The following ATG16L1 variants were observed in gnomAD, a reference collection of about 807,000 sequenced individuals.
The protein encoded by ATG16L1 is autophagy related 16 like 1.
A neutral mutation model predicts 88.5 loss-of-function variants in ATG16L1; 37 were observed. That is an observed-to-expected ratio of 0.42 (90% CI 0.32 to 0.55). ATG16L1 has a LOEUF of 0.55. ATG16L1 is among the 20% of genes least tolerant of loss of function. The pLI is 0.13. For missense variants in ATG16L1, 554 were observed against 752.8 expected, an observed-to-expected ratio of 0.74 and a Z score of 3.09; for synonymous variants, 301 against 281.0, an observed-to-expected ratio of 1.07 and a Z score of -0.71.
At chr2:233,279,078 T>C (rs765506043) in intron 10 of ATG16L1, among the ~76,000 whole-genome samples, 1 of 152,128 alleles carries the variant, frequency 6.6e-6, no homozygotes, top group Non-Finnish European at 1.5e-5. Flanking sequence ...CCTGGGAAGC[T>C]GAAGTGGGAA....
chr2:233,263,871 G>A (rs1298095038), intron 3 of ATG16L1, 121 bp from the exon 4 acceptor site: 63 of 874,080 alleles, frequency 7.2e-5, no homozygotes, highest in South Asian at 3.7e-4. Context: ...TAGGCGCCTC[G>A]GCTCCTTGCT....
At chr2:233,270,551 T>G (rs934633771) in intron 6 of ATG16L1, among the ~76,000 whole-genome samples, 1 of 152,248 alleles carries the variant, frequency 6.6e-6, no homozygotes, top group Non-Finnish European at 1.5e-5. Flanking sequence ...ACTGCCTCAC[T>G]GTTTCCTGTT....
At chr2:233,256,693 CT>C (rs1175941099) in intron 2 of ATG16L1, among the ~76,000 whole-genome samples, 231 of 140,360 alleles carry the variant, frequency 1.6e-3, no homozygotes, top group Non-Finnish European at 2.2e-3. Flanking sequence ...TTTTCTTTTT[CT>C]TTTTTTTTTT....
chr2:233,273,379 C>A (rs2289473), intron 7 of ATG16L1: 381 of 487,950 alleles, frequency 7.8e-4, no homozygotes, highest in Non-Finnish European at 1.3e-3. Flanking sequence ...GGCTTCCCCC[C>A]GCCCGCACCG....
At chr2:233,273,209 T>C in intron 7 of ATG16L1, 157 bp downstream of exon 7, 1 of 609,506 alleles carries the variant, frequency 1.6e-6, no homozygotes, top group East Asian at 2.8e-5. Flanking sequence ...GTCCAGTCTT[T>C]CTCAGTTCAC....
intron 12 of ATG16L1, among the ~76,000 whole-genome samples, chr2:233,284,194 G>A (rs1698921667): frequency 6.7e-6 from 1 of 150,270 alleles, no homozygotes; most frequent in East Asian, 2.0e-4. Flanking sequence ...TGTTGCCCAG[G>A]CTGGAGTGCA....
chr2:233,274,887 T>C (rs867297197), intron 9 of ATG16L1, 109 bp downstream of exon 9: 9 of 732,930 alleles, frequency 1.2e-5, no homozygotes, highest in South Asian at 6.4e-5. Flanking sequence ...GTTTTACTTA[T>C]ATCAAGCCTT....
intron 2 of ATG16L1, among the ~76,000 whole-genome samples, chr2:233,256,711 T>C (rs914546977): frequency 4.6e-5 from 7 of 151,816 alleles, no homozygotes; most frequent in African/African-American, 1.7e-4. Flanking sequence ...TTTTTTTCTT[T>C]TTTGAGACAG....
In ATG16L1 at chr2:233,255,092, G is replaced by A. The variant is rs1401257209; in HGVS notation, c.116-1010G>A. Among the ~76,000 whole-genome samples the A allele has an allele frequency of 2.0e-5, 3 of 152,132 alleles. No individual in the cohort carries two copies. In the East Asian group the frequency reaches 5.8e-4, roughly 29 times the overall value. Reference sequence around the variant, plus strand: ...GAGTTCAAGCGATTCTTGTGCCTCAGTCTCCCTAGTAGCTGGGACTGTGGG... The same window carrying A: ...GAGTTCAAGCGATTCTTGTGCCTCAATCTCCCTAGTAGCTGGGACTGTGGG... On this transcript the variant is annotated intron_variant, in intron 1 of 17. Transcript: ENST00000392017.
rs779707178 is a variant in ATG16L1 at position 233,251,794 on chromosome 2, T to C, written c.-34T>C. On this transcript the variant is annotated 5_prime_UTR_variant, in exon 1 of 18. Transcript: ENST00000392017. ...CTGCGGCCGTCAGCCCTCGCTCGCA[T>C]TGGTGGCGCTGAGGTGCCGGGGCAG... 10 of 1,537,148 alleles carry C rather than the reference T, an allele frequency of 6.5e-6. No homozygotes were observed. The highest frequency in any genetic ancestry group is 2.4e-5 in the South Asian group (2 of 83,774).
intron 2 of ATG16L1, among the ~76,000 whole-genome samples, chr2:233,260,879 A>T (rs1697159719): frequency 6.6e-6 from 1 of 152,164 alleles, no homozygotes; most frequent in South Asian, 2.1e-4. Context: ...TGTCTGGGGA[A>T]ATCTTTGCCT....
At chr2:233,263,518 C>G (rs1697358459) in intron 3 of ATG16L1, among the ~76,000 whole-genome samples, 1 of 152,128 alleles carries the variant, frequency 6.6e-6, no homozygotes, top group African/African-American at 2.4e-5. Flanking sequence ...AACAAAAAAG[C>G]CTGCTACCTG....
chr2:233,254,936 C>T (rs1696669673), intron 1 of ATG16L1, among the ~76,000 whole-genome samples: 1 of 151,780 alleles, frequency 6.6e-6, no homozygotes, highest in African/African-American at 2.4e-5. Flanking sequence ...TGCCTGTGTA[C>T]CTATTACTCT....
In ATG16L1 at chr2:233,274,356, G is replaced by A. The variant is rs112942375; in HGVS notation, c.852-320G>A. 9 of 447,220 alleles carry A rather than the reference G, an allele frequency of 2.0e-5. 1 individual carries two copies. The highest frequency in any genetic ancestry group is 9.8e-5 in the African/African-American group (5 of 51,090). The allele number at this position is 447,220 out of a possible 1,614,324, so 27.7% of individuals were successfully genotyped here. On this transcript the variant is annotated intron_variant, in intron 8 of 17. Transcript: ENST00000392017. ...CCAAAGAGCTACCTCTGAGCTAGCT[G>A]TTACATTAAGTTGAGAAAGTTTCCC... is the stretch of plus-strand genomic sequence containing the variant.
chr2:233,294,538 T>C lies in ATG16L1; in HGVS notation c.*188T>C. ...GATTTGACTGAGGTCTCTCTTGGCC[T>C]GGAAGAATAACACTGAAAAAACCTG... On this transcript the variant is annotated 3_prime_UTR_variant, in exon 18 of 18. Coordinates refer to ENST00000392017, the MANE Select transcript of ATG16L1 (RefSeq NM_030803.7). 1 of 479,082 alleles carries C rather than the reference T, an allele frequency of 2.1e-6. No homozygotes were observed. Among genetic ancestry groups the C allele is most frequent in the South Asian group, 3.2e-5 (1 of 31,654 alleles). The allele number at this position is 479,082 out of a possible 1,614,324, so 29.7% of individuals were successfully genotyped here.
At position 233,265,427 on chromosome 2, in the gene ATG16L1, A is replaced by T. The variant is rs372098217; in HGVS notation, c.641+284A>T. Among the ~76,000 whole-genome samples, 3 of 152,322 alleles carry T rather than the reference A, an allele frequency of 2.0e-5. No individual in the cohort carries two copies. In the South Asian group the frequency reaches 6.2e-4, roughly 32 times the overall value. On this transcript the variant is annotated intron_variant, in intron 5 of 17. Transcript: ENST00000392017. ...CACAAGAAGACTATAATCCAACCTT[A>T]TATGAATATAGATGTGAAATTCCTA...
chr2:233,252,056 C>G, intron 1 of ATG16L1, 114 bp downstream of exon 1: 1 of 881,194 alleles, frequency 1.1e-6, no homozygotes, highest in Non-Finnish European at 1.6e-6. Context: ...GCATGGCGGC[C>G]GCCCCGGGTA....
Position 233,251,914 on chromosome 2 carries a change from A to G in ATG16L1, c.87A>G (p.Arg29=). ...EQLRRRDRLQ[R]QAFEEIILQY... ...TGAGGCGCCGGGACCGGCTGCAGAGACAGGCGTTCGAGGAGATCATCCTGC... is the reference window on the plus strand; with the variant it reads ...TGAGGCGCCGGGACCGGCTGCAGAGGCAGGCGTTCGAGGAGATCATCCTGC... The change falls in exon 1 of 18, where the codon AGA becomes AGG. Residue 29 remains arginine (R), a synonymous_variant. Coordinates refer to ENST00000392017, the MANE Select transcript of ATG16L1 (RefSeq NM_030803.7). 1.1e-5 allele frequency: 17 copies of G among 1,550,240 alleles called. No individual in the cohort carries two copies. The highest frequency in any genetic ancestry group is 1.5e-5 in the Non-Finnish European group (17 of 1,147,430).
chr2:233,262,038 C>T (rs957255548), intron 2 of ATG16L1, among the ~76,000 whole-genome samples: 4 of 152,172 alleles, frequency 2.6e-5, no homozygotes, highest in African/African-American at 9.7e-5. Context: ...CACAAACGAA[C>T]TCTTTAGGTC....
Sources: allele counts gnomAD v4.1 joint callset (sites outside exome capture counted in the v4.1 genomes callset), GRCh38; gene constraint gnomAD v4.1.1; transcripts MANE v1.5; gene names NCBI Gene and HGNC (gene_info 2026-07-23, HGNC 2026-07-21).